Variants in INO80D observed in about 807,000 individuals in gnomAD.
INO80D encodes the protein INO80 complex subunit D.
In INO80D, 21 loss-of-function variants were observed where a neutral mutation model predicts 87.6. The observed-to-expected ratio is 0.24, with a 90% CI of 0.17 to 0.35. The LOEUF is 0.35. Ranked by LOEUF, INO80D falls within the 10% of genes least tolerant of loss-of-function variation. The pLI is 1.00. For missense variants in INO80D, 982 were observed against 1,280.7 expected (o/e 0.77, Z 3.56); for synonymous variants, 440 against 491.0 (o/e 0.90, Z 1.37).
intron 4 of INO80D, among the ~76,000 whole-genome samples, chr2:206,052,925 T>C (rs1258635193): frequency 6.6e-6 from 1 of 152,132 alleles, no homozygotes; most frequent in Non-Finnish European, 1.5e-5. Context: ...AAACCAAATA[T>C]TTGAGAAACA....
chr2:206,074,702 G>A (rs1690064110), intron 1 of INO80D, among the ~76,000 whole-genome samples: 2 of 152,368 alleles, frequency 1.3e-5, no homozygotes, highest in Middle Eastern at 3.4e-3. Flanking sequence ...CACTCTGGGA[G>A]GCTGAGGTGG....
At chr2:206,081,391 T>G (rs1690279868) in intron 1 of INO80D, among the ~76,000 whole-genome samples, 2 of 152,200 alleles carry the variant, frequency 1.3e-5, no homozygotes, top group South Asian at 4.1e-4. Context: ...GTATGTATAG[T>G]ACAGTATTAC....
rs1687765874 is a variant in INO80D, at chr2:205,994,189, T to C, written c.*10179A>G. 2 of 152,196 alleles carry C rather than the reference T, an allele frequency of 1.3e-5. No individual in the cohort carries two copies. The highest frequency in any genetic ancestry group is 1.3e-4 in the Admixed American group (2 of 15,278). The allele number at this position is 152,196 out of a possible 1,614,324, so 9.4% of individuals were successfully genotyped here. A position where few individuals can be genotyped will look rare whatever the true frequency, so the allele number is the denominator to read the frequency against. On this transcript the variant is annotated 3_prime_UTR_variant, in exon 11 of 11. Transcript: ENST00000403263. ...GCAGAAACAAGTGGCTCCTAACTTT[T>C]GTGCATATAATTAAACTCCCAGCCA...
rs575880302 is a variant in INO80D at position 206,004,423 on chromosome 2, C to A, written c.3029G>T (p.Gly1010Val). The stretch of plus-strand genomic sequence containing the variant: ...ATTATTGGTACTTGTAGCTGTGGCA[C>A]CTGTTACTGTGAAGCCTGTAGGAGG... ...IAPPTGFTVTGATATSTNNAS... is the reference protein window; with the variant it reads ...IAPPTGFTVTVATATSTNNAS... The change falls in exon 11 of 11, where the codon GGT (glycine) becomes GTT (valine). Residue 1010 changes from glycine to valine, a missense_variant. Coordinates refer to ENST00000403263, the MANE Select transcript of INO80D (RefSeq NM_017759.5). This position sits in a 1 kb window ranked among gnomAD's most constrained non-coding sequence, Gnocchi z 4.9. The A allele has an allele frequency of 6.2e-7, 1 of 1,604,188 alleles. No individual in the cohort carries two copies.
At position 206,005,517 on chromosome 2, in the gene INO80D, G is replaced by T; in HGVS notation, c.1935C>A (p.Leu645=). ...CCTCAGCCTCTTCGGTAGTTGGGAG[G>T]AGGTCTCCATTCTTCCCTGAGTCAA... ...FDFFEGKNGD[L]LPTTEEAEEL... Residue 645 remains leucine, a synonymous_variant, in exon 11 of 11, where the codon CTC becomes CTA. Coordinates refer to ENST00000403263, the MANE Select transcript of INO80D (RefSeq NM_017759.5). 1.2e-6 allele frequency: 2 copies of T among 1,611,806 alleles called. No individual in the cohort carries two copies. The highest frequency in any genetic ancestry group is 1.7e-6 in the Non-Finnish European group (2 of 1,179,614).
Position 206,004,795 on chromosome 2 carries a change from G to A in INO80D, c.2657C>T (p.Pro886Leu), listed in dbSNP as rs1687979037. 6.2e-7 allele frequency: 1 copy of A among 1,614,014 alleles called. No individual in the cohort carries two copies. Among genetic ancestry groups the A allele is most frequent in the Non-Finnish European group, 8.5e-7 (1 of 1,179,892 alleles). Residue 886 changes from proline to leucine, a missense_variant, in exon 11 of 11, where the codon CCC becomes CTC. Pro to Leu is a moderately conservative substitution (Grantham distance 98). Transcript: ENST00000403263. The surrounding 1 kb of genome is among the most constrained non-coding windows in gnomAD (Gnocchi z 4.9). ...LEVPLGGVVN[P>L]RTHWGNLPVN... Reference sequence around the variant, plus strand: ...AGGGAGATTGCCCCAGTGAGTTCTGGGGTTTACCACGCCTCCAAGTGGCAC... The same window carrying A: ...AGGGAGATTGCCCCAGTGAGTTCTGAGGTTTACCACGCCTCCAAGTGGCAC...
chr2:206,055,807 CAT>C (rs1689501971), intron 4 of INO80D, among the ~76,000 whole-genome samples: 1 of 152,100 alleles, frequency 6.6e-6, no homozygotes, highest in African/African-American at 2.4e-5. Context: ...TTTTTCTTGT[CAT>C]TATTCCCTAA....
rs1687865501 is a variant in INO80D, at chr2:205,999,372, G to C, written c.*4996C>G. 6.6e-6 allele frequency: 1 copy of C among 152,172 alleles called. No homozygotes were observed. The highest frequency in any genetic ancestry group is 1.5e-5 in the Non-Finnish European group (1 of 68,042). 9.4% of individuals were successfully genotyped at this position (152,172 alleles called of 1,614,324 possible). On this transcript the variant is annotated 3_prime_UTR_variant, in exon 11 of 11. Transcript: ENST00000403263. ...GCCCTATGGAGCTCACTGAGAGTTA[G>C]ATTTTTCTCTTATACGAGTATTGAT...
At chr2:206,018,020 A>G (rs550759447) in intron 7 of INO80D, among the ~76,000 whole-genome samples, 1 of 152,332 alleles carries the variant, frequency 6.6e-6, no homozygotes, top group South Asian at 2.1e-4. Flanking sequence ...CTATTTTGCT[A>G]ATGAGACCCT....
rs1198552976 is a variant in INO80D, at chr2:206,003,139, A to C, written c.*1229T>G. On this transcript the variant is annotated 3_prime_UTR_variant, in exon 11 of 11. Transcript: ENST00000403263. Reference sequence around the variant, plus strand: ...AAGGACCAAAGGGCGAATAAAATTTATATCTAATTTCCATATTCTGCTTTG... The same window carrying C: ...AAGGACCAAAGGGCGAATAAAATTTCTATCTAATTTCCATATTCTGCTTTG... 1 of 152,228 alleles carries C rather than the reference A, an allele frequency of 6.6e-6. No homozygotes were observed. The highest frequency in any genetic ancestry group is 1.5e-5 in the Non-Finnish European group (1 of 68,042). 9.4% of individuals were successfully genotyped at this position (152,228 alleles called of 1,614,324 possible). A position where few individuals can be genotyped will look rare whatever the true frequency, so the allele number is the denominator to read the frequency against.
intron 5 of INO80D, among the ~76,000 whole-genome samples, chr2:206,033,425 C>T (rs527493647): frequency 2.0e-4 from 31 of 152,198 alleles, no homozygotes; most frequent in African/African-American, 6.5e-4. Flanking sequence ...GGAATCAACT[C>T]CAAAACAAAC....
At chr2:206,012,867 CA>C (rs71035432) in intron 8 of INO80D, among the ~76,000 whole-genome samples, 314 of 85,720 alleles carry the variant, frequency 3.7e-3, no homozygotes, top group Non-Finnish European at 4.3e-3. Flanking sequence ...AGACTTGTCT[CA>C]AAAAAAAAAA....
intron 4 of INO80D, among the ~76,000 whole-genome samples, chr2:206,053,206 A>G (rs1689422121): frequency 1.3e-5 from 2 of 152,188 alleles, no homozygotes; most frequent in Admixed American, 1.3e-4. Flanking sequence ...AGATGTGGCA[A>G]TAATTGTTTT....
chr2:206,007,428 G>T lies in INO80D; in HGVS notation c.1774C>A (p.Pro592Thr), dbSNP rs1688054947. 1 of 1,609,764 alleles carries T rather than the reference G, an allele frequency of 6.2e-7. No homozygotes were observed. Among genetic ancestry groups the T allele is most frequent in the Non-Finnish European group, 8.5e-7 (1 of 1,178,382 alleles). Reference sequence around the variant, plus strand: ...GGCAACTCATCAGCACTCAGCTCTGGCGTGGATGGGCTCCTGGGAAAGAGG... The same window carrying T: ...GGCAACTCATCAGCACTCAGCTCTGTCGTGGATGGGCTCCTGGGAAAGAGG... Reference protein sequence around the residue: ...EASHIRSPSTPELSADELPDD... With the variant: ...EASHIRSPSTTELSADELPDD... The change falls in exon 10 of 11, where the codon CCA (proline) becomes ACA (threonine). Residue 592 changes from proline to threonine, a missense_variant. By Grantham distance (38) the Pro-to-Thr change is conservative. Transcript: ENST00000403263.
chr2:206,082,803 T>G (rs1235959475), intron 1 of INO80D, among the ~76,000 whole-genome samples: 2 of 152,212 alleles, frequency 1.3e-5, no homozygotes, highest in Non-Finnish European at 2.9e-5. Flanking sequence ...TATGAATAAA[T>G]AGTTTAGCAT....
chr2:206,020,437 C>T (rs1364627321), intron 6 of INO80D, among the ~76,000 whole-genome samples: 3 of 152,144 alleles, frequency 2.0e-5, no homozygotes, highest in Non-Finnish European at 4.4e-5. Context: ...TTGATTGCCT[C>T]ATGCTACTAA....
chr2:206,077,016 G>A (rs914232627), intron 1 of INO80D, among the ~76,000 whole-genome samples: 3 of 152,188 alleles, frequency 2.0e-5, no homozygotes, highest in African/African-American at 7.2e-5. Context: ...GCTCACGCCT[G>A]TAATCCCAGC....
At chr2:206,068,462 A>G (rs1689877541) in intron 1 of INO80D, among the ~76,000 whole-genome samples, 1 of 152,102 alleles carries the variant, frequency 6.6e-6, no homozygotes, top group African/African-American at 2.4e-5. Context: ...AATGTGGCCC[A>G]CTGTCTGTTT....
At chr2:206,031,097 C>CA (rs1236279542) in intron 5 of INO80D, among the ~76,000 whole-genome samples, 4 of 151,176 alleles carry the variant, frequency 2.6e-5, no homozygotes, top group South Asian at 2.1e-4. Flanking sequence ...ACTAAAAATA[C>CA]AAAAAAAATA....
Sources: gnomAD v4.1 joint callset for allele counts (sites outside exome capture counted in the v4.1 genomes callset) on GRCh38, gnomAD v4.1.1 for gene constraint, Gnocchi (gnomAD v3.1) non-coding constraint, MANE v1.5 for transcripts, NCBI Gene and HGNC (gene_info 2026-07-23, HGNC 2026-07-21) for gene names.